The following OSER1 variants were observed in gnomAD, a reference collection of about 807,000 sequenced individuals.
The protein encoded by OSER1 is oxidative stress responsive serine rich 1, also known as oxidative stress-responsive serine-rich protein 1.
OSER1 carries 15 observed loss-of-function variants against 26.3 expected under a neutral mutation model. The ratio of observed to expected loss-of-function variants is 0.57; its 90% confidence interval spans 0.38 to 0.88. The LOEUF is 0.88. Among genes scored for constraint, OSER1 ranks in the 40% least tolerant of loss-of-function variants. The probability of loss-of-function intolerance (pLI) is 0.00; values close to 1 mark genes in which losing one functional copy is unlikely to be tolerated. For missense variants in OSER1, 313 were observed against 353.9 expected (o/e 0.88, Z 0.93); for synonymous variants, 127 against 128.2 (o/e 0.99, Z 0.07).
At chr20:44,209,386 A>G (rs2073073796) in intron 1 of OSER1, among the ~76,000 whole-genome samples, 1 of 152,254 alleles carries the variant, frequency 6.6e-6, no homozygotes, top group African/African-American at 2.4e-5. Context: ...GAGCTAGAGA[A>G]GAGCATGTTT....
At chr20:44,207,751 A>C (rs1042918458) in intron 1 of OSER1, among the ~76,000 whole-genome samples, 1 of 152,260 alleles carries the variant, frequency 6.6e-6, no homozygotes, top group African/African-American at 2.4e-5. Context: ...AAGAAAAAAA[A>C]CAGAAATGAC....
chr20:44,205,529 G>C (rs938236985), intron 2 of OSER1, among the ~76,000 whole-genome samples: 1 of 152,186 alleles, frequency 6.6e-6, no homozygotes, highest in Non-Finnish European at 1.5e-5. Context: ...CCCAAAAATA[G>C]TACTAGCAAT....
intron 2 of OSER1, among the ~76,000 whole-genome samples, 164 bp downstream of exon 2, chr20:44,206,717 C>T (rs1203717040): frequency 6.6e-6 from 1 of 152,140 alleles, no homozygotes; most frequent in Non-Finnish European, 1.5e-5. Context: ...TCTTTTTAAA[C>T]TAAAACAATA....
chr20:44,205,047 C>T (rs532321932), intron 2 of OSER1, among the ~76,000 whole-genome samples: 1 of 152,054 alleles, frequency 6.6e-6, no homozygotes, highest in African/African-American at 2.4e-5. Context: ...GTTGCCGAGG[C>T]TGGTCTCAAA....
intron 3 of OSER1, 116 bp from the exon 4 acceptor site, chr20:44,197,855 A>T (rs1569235458): frequency 9.2e-6 from 6 of 654,130 alleles, no homozygotes; most frequent in Non-Finnish European, 1.3e-5. Flanking sequence ...AAGCTCATAA[A>T]TTTCCTGCAA....
upstream of OSER1, chr20:44,210,775 C>G (rs547129575): frequency 6.6e-6 from 1 of 152,650 alleles, no homozygotes; most frequent in East Asian, 1.9e-4. Flanking sequence ...CCCGACTGAC[C>G]CGGATCCAAA....
intron 1 of OSER1, chr20:44,207,672 G>A (rs1417853843): frequency 6.6e-6 from 1 of 152,138 alleles, no homozygotes; most frequent in Non-Finnish European, 1.5e-5. Flanking sequence ...AAACTTCATT[G>A]TGCACATGAG....
At chr20:44,205,813 G>A (rs142778968) in intron 2 of OSER1, among the ~76,000 whole-genome samples, 4,320 of 152,102 alleles carry the variant, frequency 0.028, 89 homozygotes, top group Non-Finnish European at 0.042. Context: ...GGTTGTGGCC[G>A]CCTGTAGTCC....
At chr20:44,199,108 G>C (rs1451768499) in intron 3 of OSER1, among the ~76,000 whole-genome samples, 2 of 152,192 alleles carry the variant, frequency 1.3e-5, no homozygotes, top group Non-Finnish European at 2.9e-5. Context: ...CTAGCAGTTT[G>C]GGTATACCAA....
At position 44,203,293 on chromosome 20, in the gene OSER1, G is replaced by C. The variant is rs2073002302; in HGVS notation, c.78-219C>G. ...AAAATCATAAGCCAAAGAATGACTG[G>C]TAAGTGTACCCAGCAGCAGGATATA... On this transcript the variant is annotated intron_variant, in intron 2 of 3. Transcript: ENST00000255174. Among the ~76,000 whole-genome samples, 3 of 151,906 alleles carry C rather than the reference G, an allele frequency of 2.0e-5. No homozygotes were observed. The South Asian group carries it at 6.2e-4, about 31-fold the overall frequency.
chr20:44,199,631 C>T (rs2072960593), intron 3 of OSER1, among the ~76,000 whole-genome samples: 2 of 152,108 alleles, frequency 1.3e-5, no homozygotes, highest in South Asian at 2.1e-4. Context: ...ACGGTAAGAA[C>T]GAATCTCCTA....
Position 44,196,363 on chromosome 20 carries a change from A to T in OSER1, c.*689T>A, listed in dbSNP as rs550675987. On this transcript the variant is annotated 3_prime_UTR_variant, in exon 4 of 4. Coordinates refer to ENST00000255174, the MANE Select transcript of OSER1 (RefSeq NM_016470.8). ...ATGGTGAAGACACACACTCGTTTCA[A>T]ATATTACACCCCCTCCCTCCAACTG... 1 of 152,156 alleles carries T rather than the reference A, an allele frequency of 6.6e-6. No individual in the cohort carries two copies. The highest frequency in any genetic ancestry group is 1.9e-4 in the East Asian group (1 of 5,182). 9.4% of individuals were successfully genotyped at this position (152,156 alleles called of 1,614,324 possible). A position where few individuals can be genotyped will look rare whatever the true frequency, so the allele number is the denominator to read the frequency against.
rs2072927140 is a variant in OSER1 at position 44,197,182 on chromosome 20, G to C, written c.749C>G (p.Pro250Arg). Residue 250 changes from proline (P) to arginine (R), a missense_variant, in exon 4 of 4, where the codon CCC (proline) becomes CGC (arginine). Pro to Arg is a moderately radical substitution (Grantham distance 103, BLOSUM62 -2). Coordinates refer to ENST00000255174, the MANE Select transcript of OSER1 (RefSeq NM_016470.8). ...TCGAGCTTGCTCAGAACAGGATCGG[G>C]GAGAGCCAGACAGAGTTCTGGCGTG... The part of the protein sequence containing the change: ...SLHARTLSGS[P>R]RSCSEQARVF... The C allele has an allele frequency of 6.2e-7, 1 of 1,614,194 alleles. No individual in the cohort carries two copies. Among genetic ancestry groups the C allele is most frequent in the East Asian group, 2.2e-5 (1 of 44,884 alleles).
At chr20:44,203,467 A>G (rs1305914050) in intron 2 of OSER1, among the ~76,000 whole-genome samples, 1 of 152,190 alleles carries the variant, frequency 6.6e-6, no homozygotes, top group African/African-American at 2.4e-5. Flanking sequence ...CACTGAATAC[A>G]TTTTCAAATA....
At chr20:44,201,404 G>C (rs959962235) in intron 3 of OSER1, among the ~76,000 whole-genome samples, 1 of 152,078 alleles carries the variant, frequency 6.6e-6, no homozygotes, top group Non-Finnish European at 1.5e-5. Flanking sequence ...TTTAACATCG[G>C]GGGCCCTTTC....
rs371334414 is a variant in OSER1, at chr20:44,206,982, C to T, written c.-25G>A. Reference sequence around the variant, plus strand: ...TTGTGCAAGTTTTTACACTACTTATCGATGTTCCTGTTTACACTAAAAAAG... The same window carrying T: ...TTGTGCAAGTTTTTACACTACTTATTGATGTTCCTGTTTACACTAAAAAAG... On this transcript the variant is annotated 5_prime_UTR_variant, in exon 2 of 4. Coordinates refer to ENST00000255174, the MANE Select transcript of OSER1 (RefSeq NM_016470.8). 2.3e-4 allele frequency: 359 copies of T among 1,572,508 alleles called. No individual in the cohort carries two copies. The highest frequency in any genetic ancestry group is 3.0e-4 in the Non-Finnish European group (344 of 1,144,358).
intron 2 of OSER1, among the ~76,000 whole-genome samples, chr20:44,206,580 G>A (rs1179307771): frequency 6.6e-6 from 1 of 152,176 alleles, no homozygotes; most frequent in African/African-American, 2.4e-5. Flanking sequence ...TCCCTAGTGG[G>A]ACACCGCTTG....
chr20:44,209,704 G>C (rs2073078311), intron 1 of OSER1, among the ~76,000 whole-genome samples: 1 of 152,148 alleles, frequency 6.6e-6, no homozygotes, highest in South Asian at 2.1e-4. Context: ...TCCATCAAAA[G>C]GCCAAATTCC....
chr20:44,203,432 G>A (rs1013507090), intron 2 of OSER1, among the ~76,000 whole-genome samples: 1 of 152,174 alleles, frequency 6.6e-6, no homozygotes, highest in African/African-American at 2.4e-5. Flanking sequence ...ACTAAACTTA[G>A]TTTAGGAGAC....
Sources: allele counts gnomAD v4.1 joint callset (sites outside exome capture counted in the v4.1 genomes callset), GRCh38; gene constraint gnomAD v4.1.1; transcripts MANE v1.5; gene names NCBI Gene and HGNC (gene_info 2026-07-23, HGNC 2026-07-21).